The following UGT1A6 variants were observed in gnomAD, a reference collection of about 807,000 sequenced individuals.
The protein encoded by UGT1A6 is UDP glucuronosyltransferase family 1 member A6.
Under a neutral mutation model 44.4 loss-of-function variants are expected in UGT1A6, and 32 were observed. That is an observed-to-expected ratio of 0.72 (90% CI 0.54 to 0.97). The LOEUF is 0.97. UGT1A6 is among the 50% of genes least tolerant of loss of function. UGT1A6 has a pLI of 0.00. For synonymous variants in UGT1A6, 238 were observed against 248.5 expected, an observed-to-expected ratio of 0.96 and a Z score of 0.40; for missense variants, 685 against 661.9, an observed-to-expected ratio of 1.03 and a Z score of -0.38.
rs2075185682 is a variant in UGT1A6, at chr2:233,693,873, G to C, written c.861+8G>C. The C allele has an allele frequency of 1.9e-6, 3 of 1,614,124 alleles. No homozygotes were observed. The highest frequency in any genetic ancestry group is 1.1e-5 in the South Asian group (1 of 91,060). The stretch of plus-strand genomic sequence containing the variant: ...AGGAAAGACTTGTCTCAGGTTGGTG[G>C]GTTTATTTCTTTTGGACTGCCTTGT... On this transcript the variant is annotated splice_region_variant and intron_variant, in intron 1 of 4. Coordinates refer to ENST00000305139, the MANE Select transcript of UGT1A6 (RefSeq NM_001072.4).
At chr2:233,747,606 C>T (rs1358183781) in intron 1 of UGT1A6, 1 of 1,574,604 alleles carries the variant, frequency 6.4e-7, no homozygotes, top group Admixed American at 1.7e-5. Flanking sequence ...TGTGGAGCTA[C>T]TGCATAATGA....
chr2:233,750,617 G>C (rs1694515709), intron 1 of UGT1A6: 1 of 151,760 alleles, frequency 6.6e-6, no homozygotes, highest in African/African-American at 2.4e-5. Context: ...TTTGTGGGCT[G>C]GGTCCATGCT....
At position 233,773,058 on chromosome 2, in the gene UGT1A6, T is replaced by C. The variant is rs893890445; in HGVS notation, c.*499T>C. The C allele has an allele frequency of 5.7e-6, 1 of 175,710 alleles. No homozygotes were observed. The highest frequency in any genetic ancestry group is 2.4e-5 in the African/African-American group (1 of 41,884). The allele number at this position is 175,710 out of a possible 1,614,324, so 10.9% of individuals were successfully genotyped here. A position where few individuals can be genotyped will look rare whatever the true frequency, so the allele number is the denominator to read the frequency against. On this transcript the variant is annotated 3_prime_UTR_variant, in exon 5 of 5. Transcript: ENST00000305139. ...AGGGAAGCTTTGTACCTTTAGAGTGTAGGTGAAATGAATGAATGGCTTGGA... is the reference window on the plus strand; with the variant it reads ...AGGGAAGCTTTGTACCTTTAGAGTGCAGGTGAAATGAATGAATGGCTTGGA...
At chr2:233,713,464 C>T (rs12475068) in intron 1 of UGT1A6, 36 of 1,613,900 alleles carry the variant, frequency 2.2e-5, no homozygotes, top group Admixed American at 8.3e-5. Context: ...CACCTCTGCG[C>T]GGCGGTGCTG....
chr2:233,762,875 C>T (rs1698183827), intron 1 of UGT1A6, among the ~76,000 whole-genome samples: 1 of 152,150 alleles, frequency 6.6e-6, no homozygotes, highest in African/African-American at 2.4e-5. Flanking sequence ...TTGGTTTCTT[C>T]TCTTATAAAT....
At position 233,692,959 on chromosome 2, in the gene UGT1A6, A is replaced by G. The variant is rs372856754; in HGVS notation, c.-46A>G. ...AATACCTAGGAGCCCTGTGATTTGG[A>G]GAGTGAAAACTCTTTATTACCGTTG... On this transcript the variant is annotated 5_prime_UTR_variant, in exon 1 of 5. Coordinates refer to ENST00000305139, the MANE Select transcript of UGT1A6 (RefSeq NM_001072.4). The G allele has an allele frequency of 1.7e-4, 275 of 1,607,534 alleles. No homozygotes were observed. Among genetic ancestry groups the G allele is most frequent in the Non-Finnish European group, 2.3e-4 (269 of 1,177,672 alleles).
chr2:233,744,024 G>A lies in UGT1A6; in HGVS notation c.862-23010G>A, dbSNP rs532921168. The A allele has an allele frequency of 1.8e-4, 170 of 951,358 alleles. 2 individuals carry two copies. The highest frequency in any genetic ancestry group is 2.3e-4 in the Non-Finnish European group (161 of 710,466). 58.9% of individuals were successfully genotyped at this position (951,358 alleles called of 1,614,324 possible). Reference sequence around the variant, plus strand: ...GGAGACCTGGGCCGCCTGGAGAGACGCCCCTTATGACGCAGCCACATCTCA... The same window carrying A: ...GGAGACCTGGGCCGCCTGGAGAGACACCCCTTATGACGCAGCCACATCTCA... On this transcript the variant is annotated intron_variant, in intron 1 of 4. Coordinates refer to ENST00000305139, the MANE Select transcript of UGT1A6 (RefSeq NM_001072.4).
intron 1 of UGT1A6, among the ~76,000 whole-genome samples, chr2:233,762,041 G>A (rs938298957): frequency 3.3e-5 from 5 of 152,004 alleles, no homozygotes; most frequent in Non-Finnish European, 7.4e-5. Context: ...TTAATTTTCT[G>A]TGCATTTTCC....
At chr2:233,759,038 G>T (rs1395341840) in intron 1 of UGT1A6, among the ~76,000 whole-genome samples, 2 of 152,168 alleles carry the variant, frequency 1.3e-5, no homozygotes, top group African/African-American at 2.4e-5. Context: ...TTGGTTTCCT[G>T]TTGTGAACAA....
intron 1 of UGT1A6, among the ~76,000 whole-genome samples, chr2:233,744,367 A>T (rs2125862571): frequency 6.6e-6 from 1 of 151,892 alleles, no homozygotes; most frequent in Non-Finnish European, 1.5e-5. Flanking sequence ...GTTGTTTAGG[A>T]CTGCAGTTCT....
rs1044652784 is a variant in UGT1A6 at position 233,693,217 on chromosome 2, A to T, written c.213A>T (p.Lys71Asn). 6.2e-7 allele frequency: 1 copy of T among 1,614,210 alleles called. No homozygotes were observed. The highest frequency in any genetic ancestry group is 8.5e-7 in the Non-Finnish European group (1 of 1,180,044). The change falls in exon 1 of 5, where the codon AAA (lysine) becomes AAT (asparagine). Residue 71 changes from lysine to asparagine, a missense_variant. Lys to Asn is a moderately conservative substitution (Grantham distance 94, BLOSUM62 0). Coordinates refer to ENST00000305139, the MANE Select transcript of UGT1A6 (RefSeq NM_001072.4). ...PEVNLLLKES[K>N]YYTRKIYPVP... ...TTAATTTGCTTTTGAAAGAATCCAA[A>T]TACTACACAAGAAAAATCTATCCAG...
intron 1 of UGT1A6, chr2:233,729,074 T>C: frequency 1.2e-6 from 2 of 1,611,804 alleles, no homozygotes; most frequent in Non-Finnish European, 1.7e-6. Flanking sequence ...AGAAAGCAAA[T>C]GTAGCAGGCA....
intron 1 of UGT1A6, chr2:233,760,122 C>T (rs535497865): frequency 2.2e-4 from 285 of 1,291,908 alleles, no homozygotes; most frequent in Non-Finnish European, 2.8e-4. Context: ...TAATAAAGCT[C>T]CACCTTCTTT....
intron 1 of UGT1A6, among the ~76,000 whole-genome samples, chr2:233,696,257 G>A (rs6751673): frequency 0.36 from 54,459 of 152,012 alleles, 10,384 homozygotes; most frequent in African/African-American, 0.49. Flanking sequence ...GCACACATCA[G>A]TGAATGAATG....
At chr2:233,730,637 G>A (rs2078055755) in intron 1 of UGT1A6, among the ~76,000 whole-genome samples, 1 of 152,192 alleles carries the variant, frequency 6.6e-6, no homozygotes, top group African/African-American at 2.4e-5. Flanking sequence ...TCTGGTGCAT[G>A]ATGTGGGGAC....
At chr2:233,705,262 T>C (rs2075837578) in intron 1 of UGT1A6, among the ~76,000 whole-genome samples, 1 of 152,150 alleles carries the variant, frequency 6.6e-6, no homozygotes, top group Admixed American at 6.5e-5. Flanking sequence ...TTCTATGGGG[T>C]CACTTGCTTT....
chr2:233,738,821 A>C (rs1039985874), intron 1 of UGT1A6: 1 of 152,270 alleles, frequency 6.6e-6, no homozygotes, highest in African/African-American at 2.4e-5. Context: ...AATTTGAATA[A>C]ATAAGGAGGA....
At chr2:233,748,948 C>T (rs1323524016) in intron 1 of UGT1A6, among the ~76,000 whole-genome samples, 1 of 151,628 alleles carries the variant, frequency 6.6e-6, no homozygotes, top group Non-Finnish European at 1.5e-5. Context: ...CCACCCTATC[C>T]CACTCCAAGT....
chr2:233,750,987 C>T lies in UGT1A6; in HGVS notation c.862-16047C>T, dbSNP rs140441181. 4.4e-3 allele frequency among the ~76,000 whole-genome samples: 664 copies of T among 151,836 alleles called. 16 individuals are homozygous for T. Among genetic ancestry groups the T allele is most frequent in the African/African-American group, 0.015 (615 of 41,178 alleles). On this transcript the variant is annotated intron_variant, in intron 1 of 4. Transcript: ENST00000305139. ...ACTGCCTAGTGGAGTTGTGAGAAGG[C>T]GGCCACCATCCTCCAGAATCCCAAA...
Sources: allele counts gnomAD v4.1 joint callset (sites outside exome capture counted in the v4.1 genomes callset), GRCh38; gene constraint gnomAD v4.1.1; transcripts MANE v1.5; gene names NCBI Gene and HGNC (gene_info 2026-07-23, HGNC 2026-07-21).